The following PIR variants were observed in gnomAD, a reference collection of about 807,000 sequenced individuals.
PIR encodes pirin.
A neutral mutation model predicts 24.2 loss-of-function variants in PIR; 22 were observed. The ratio of observed to expected loss-of-function variants is 0.91; its 90% CI spans 0.65 to 1.30. The LOEUF (loss-of-function observed/expected upper bound fraction) is 1.30, where lower values mean the gene tolerates loss of function less well. Ranked by LOEUF, PIR falls within the 50% of genes most tolerant of loss-of-function variation. PIR has a pLI of 0.00. For missense variants in PIR, 220 were observed against 220.3 expected, an observed-to-expected ratio of 1.00 and a Z score of 0.01; for synonymous variants, 80 against 79.6, an observed-to-expected ratio of 1.00 and a Z score of -0.03.
Position 15,459,798 on chromosome X carries a change from T to C in PIR, c.190-58A>G, listed in dbSNP as rs1440420108. The C allele has an allele frequency of 1.6e-5, 10 of 639,908 alleles. No individual in the cohort carries two copies. The East Asian group carries it at 2.0e-4, about 13-fold the overall frequency. The allele number at this position is 639,908 out of a possible 1,213,427, so 52.7% of individuals were successfully genotyped here. On this transcript the variant is annotated intron_variant, in intron 3 of 9. Transcript: ENST00000380420. ...CTTTGCCTATTTTTAAATTGGGTTA[T>C]TATTTAATTATCCCTACTGACTTGT...
intron 7 of PIR, among the ~76,000 whole-genome samples, chrX:15,406,760 T>G (rs1924561385): frequency 9.0e-6 from 1 of 111,706 alleles, no homozygotes; most frequent in Non-Finnish European, 1.9e-5. Context: ...GGAACCAGGC[T>G]GCTCTGCAAG....
chrX:15,488,310 GAAAAAGA>G (rs1280029970), intron 2 of PIR, among the ~76,000 whole-genome samples: 23 of 52,977 alleles, frequency 4.3e-4, no homozygotes, highest in Admixed American at 1.1e-3. Flanking sequence ...AGAAAAGAAA[GAAAAAGA>G]AAAAGAAAGA....
chrX:15,395,004 A>G (rs950868773), intron 8 of PIR, among the ~76,000 whole-genome samples: 2 of 112,142 alleles, frequency 1.8e-5, no homozygotes, highest in Non-Finnish European at 3.8e-5. Flanking sequence ...CAGGAAGAAC[A>G]GAGCCAGAAA....
intron 3 of PIR, among the ~76,000 whole-genome samples, chrX:15,463,243 T>C (rs1921389714): frequency 8.9e-6 from 1 of 111,804 alleles, no homozygotes; most frequent in Non-Finnish European, 1.9e-5. Context: ...ATCAGCTTTA[T>C]CAGAAATAAA....
intron 2 of PIR, among the ~76,000 whole-genome samples, chrX:15,481,537 T>A (rs753326259): frequency 8.9e-6 from 1 of 112,123 alleles, no homozygotes; most frequent in Non-Finnish European, 1.9e-5. Flanking sequence ...TTTAAACATA[T>A]TTCAATAAGG....
chrX:15,491,917 C>A (rs181606495), intron 1 of PIR, among the ~76,000 whole-genome samples: 5 of 110,809 alleles, frequency 4.5e-5, no homozygotes, highest in Admixed American at 2.9e-4. Context: ...TTTCTCCGAA[C>A]ATATCCCCAT....
At chrX:15,426,014 A>G in intron 5 of PIR, 24 bp from the exon 6 acceptor site, 1 of 1,027,982 alleles carries the variant, frequency 9.7e-7, no homozygotes, top group Non-Finnish European at 1.4e-6. Flanking sequence ...GGAAACCATC[A>G]GTGTTTTTTT....
At chrX:15,444,248 T>A (rs941147575) in intron 5 of PIR, among the ~76,000 whole-genome samples, 2 of 112,108 alleles carry the variant, frequency 1.8e-5, no homozygotes, top group African/African-American at 6.5e-5. Context: ...TCAGCACCCA[T>A]CAACACTGAG....
chrX:15,477,636 T>C (rs62578874), intron 3 of PIR, among the ~76,000 whole-genome samples: 34,874 of 107,485 alleles, frequency 0.32, 4,194 homozygotes, highest in South Asian at 0.54. Flanking sequence ...GTGTATTGTG[T>C]GTGGGAGCCA....
At chrX:15,451,254 G>A (rs748641911) in intron 5 of PIR, among the ~76,000 whole-genome samples, 1 of 110,876 alleles carries the variant, frequency 9.0e-6, no homozygotes, top group East Asian at 2.8e-4. Flanking sequence ...AAGCCACATG[G>A]AAGAAGCTAA....
At chrX:15,439,666 T>C (rs895308141) in intron 5 of PIR, among the ~76,000 whole-genome samples, 6 of 112,185 alleles carry the variant, frequency 5.3e-5, no homozygotes, top group Non-Finnish European at 9.4e-5. Flanking sequence ...GTACCCTCTA[T>C]GTTGCTAGGC....
intron 5 of PIR, among the ~76,000 whole-genome samples, chrX:15,435,650 C>T (rs1483620657): frequency 8.9e-6 from 1 of 111,774 alleles, no homozygotes; most frequent in East Asian, 2.8e-4. Flanking sequence ...CTCTCGTGAT[C>T]TGTTGGGCTT....
At chrX:15,472,912 A>G (rs1430328111) in intron 3 of PIR, among the ~76,000 whole-genome samples, 3 of 112,514 alleles carry the variant, frequency 2.7e-5, no homozygotes, top group African/African-American at 9.7e-5. Flanking sequence ...GTCTGTAGAA[A>G]TAATCATTCA....
At position 15,456,171 on chromosome X, in the gene PIR, C is replaced by T. The variant is rs1921078005; in HGVS notation, c.274-117G>A. On this transcript the variant is annotated intron_variant, in intron 4 of 9. Coordinates refer to ENST00000380420, the MANE Select transcript of PIR (RefSeq NM_001018109.3). ...ATCTTACCAGTGCTGCTATCAGAGC[C>T]CCTGGGCATCGAGGGGAATAATAAA... 5.0e-6 allele frequency: 3 copies of T among 601,758 alleles called. No homozygotes were observed. In the Admixed American group the frequency reaches 8.1e-5, roughly 16 times the overall value. 49.6% of individuals were successfully genotyped at this position (601,758 alleles called of 1,213,427 possible). A position where few individuals can be genotyped will look rare whatever the true frequency, so the allele number is the denominator to read the frequency against.
chrX:15,413,508 A>G (rs902311327), intron 6 of PIR, among the ~76,000 whole-genome samples: 1 of 111,913 alleles, frequency 8.9e-6, no homozygotes, highest in Non-Finnish European at 1.9e-5. Context: ...CTGATCATAC[A>G]GCAAGTAACA....
intron 5 of PIR, among the ~76,000 whole-genome samples, chrX:15,436,896 C>T (rs773052514): frequency 4.5e-5 from 5 of 112,010 alleles, no homozygotes; most frequent in East Asian, 2.8e-4. Context: ...GCTTCTTCTA[C>T]GTGATCATTT....
intron 5 of PIR, among the ~76,000 whole-genome samples, chrX:15,442,058 T>C (rs763522081): frequency 4.5e-5 from 5 of 110,229 alleles, no homozygotes; most frequent in African/African-American, 1.7e-4. Flanking sequence ...TATTGTGCTT[T>C]GTAAATATAT....
At chrX:15,471,230 GA>G (rs1214279537) in intron 3 of PIR, among the ~76,000 whole-genome samples, 1 of 110,948 alleles carries the variant, frequency 9.0e-6, no homozygotes, top group Non-Finnish European at 1.9e-5. Flanking sequence ...GTGACACTCA[GA>G]AATGACTACA....
intron 2 of PIR, among the ~76,000 whole-genome samples, chrX:15,482,274 A>G (rs372243582): frequency 8.9e-6 from 1 of 111,834 alleles, no homozygotes; most frequent in East Asian, 2.8e-4. Flanking sequence ...ACAAGCGAGC[A>G]TCTCTACAAC....
Sources: allele counts gnomAD v4.1 joint callset (sites outside exome capture counted in the v4.1 genomes callset), GRCh38; gene constraint gnomAD v4.1.1; transcripts MANE v1.5; gene names NCBI Gene and HGNC (gene_info 2026-07-23, HGNC 2026-07-21).